FAM78B: variants seen among roughly 807,000 people sequenced by gnomAD.
FAM78B encodes the protein protein FAM78B.
A neutral mutation model predicts 20.0 loss-of-function variants in FAM78B; 10 were observed. The ratio of observed to expected loss-of-function variants is 0.50; its 90% CI spans 0.31 to 0.85. FAM78B has a LOEUF of 0.85. Among genes scored for constraint, FAM78B ranks in the 40% least tolerant of loss-of-function variants. FAM78B has a pLI of 0.05. For synonymous variants in FAM78B, 135 were observed against 132.8 expected (o/e 1.02, Z -0.12); for missense variants, 283 against 345.0 (o/e 0.82, Z 1.42).
At chr1:166,164,550 T>G (rs1386255820) in intron 1 of FAM78B, among the ~76,000 whole-genome samples, 1 of 152,226 alleles carries the variant, frequency 6.6e-6, no homozygotes, top group Non-Finnish European at 1.5e-5. Context: ...CTCACATTTC[T>G]TCACTAGGAA....
At chr1:166,080,402 T>A (rs1050303359) in intron 1 of FAM78B, among the ~76,000 whole-genome samples, 1 of 152,184 alleles carries the variant, frequency 6.6e-6, no homozygotes, top group Admixed American at 6.5e-5. Flanking sequence ...GCAGGGGATC[T>A]CCAAGACAGG....
chr1:166,135,181 C>G (rs1285362340), intron 1 of FAM78B, among the ~76,000 whole-genome samples: 1 of 152,136 alleles, frequency 6.6e-6, no homozygotes, highest in South Asian at 2.1e-4. Context: ...GGAATTTTCT[C>G]TAAACAGCTG....
chr1:166,120,099 G>C (rs1009754849), intron 1 of FAM78B, among the ~76,000 whole-genome samples: 8 of 152,310 alleles, frequency 5.3e-5, no homozygotes, highest in Non-Finnish European at 8.8e-5. Flanking sequence ...GGGCTGCCGA[G>C]AATCAAAGAT....
intron 1 of FAM78B, among the ~76,000 whole-genome samples, chr1:166,148,366 T>C (rs1655543787): frequency 6.6e-6 from 1 of 152,220 alleles, no homozygotes; most frequent in Non-Finnish European, 1.5e-5. Flanking sequence ...GAAGCATCTA[T>C]ATAAGCATGA....
In FAM78B at chr1:166,084,235, ACACTCTCTCT is replaced by A. The variant is rs1230243103; in HGVS notation, c.264-13482_264-13473del. 5.5e-3 allele frequency among the ~76,000 whole-genome samples: 663 copies of A among 120,030 alleles called. 8 individuals are homozygous for A. The highest frequency in any genetic ancestry group is 0.018 in the African/African-American group (644 of 35,014). The allele number at this position is 120,030 out of a possible 152,430, so 78.7% of individuals were successfully genotyped here. On this transcript the variant is annotated intron_variant, in intron 1 of 1. Coordinates refer to ENST00000354422, the MANE Select transcript of FAM78B (RefSeq NM_001017961.5). Reference sequence around the variant, plus strand: ...CACACACACACACACACACACACACACACTCTCTCTCTCTCTCTCTCTCTCTCTCTTTCTC... The same window carrying A: ...CACACACACACACACACACACACACACTCTCTCTCTCTCTCTCTCTTTCTC...
At chr1:166,100,592 T>C (rs1234110543) in intron 1 of FAM78B, among the ~76,000 whole-genome samples, 3 of 152,216 alleles carry the variant, frequency 2.0e-5, no homozygotes, top group East Asian at 1.9e-4. Context: ...GCCTTGCTGA[T>C]TGCTAGCACA....
chr1:166,115,580 T>A (rs73041244), intron 1 of FAM78B, among the ~76,000 whole-genome samples: 1 of 152,202 alleles, frequency 6.6e-6, no homozygotes, highest in Non-Finnish European at 1.5e-5. Flanking sequence ...GGGGATGTCC[T>A]AGGGCCTGAG....
At chr1:166,074,217 A>G (rs1208978824) in intron 1 of FAM78B, among the ~76,000 whole-genome samples, 1 of 152,164 alleles carries the variant, frequency 6.6e-6, no homozygotes. Flanking sequence ...GCTCTCCATC[A>G]TCTGGCCTCC....
chr1:166,152,571 C>A (rs1315660346), intron 1 of FAM78B, among the ~76,000 whole-genome samples: 4 of 152,272 alleles, frequency 2.6e-5, no homozygotes, highest in South Asian at 2.1e-4. Context: ...GCCCCGGACA[C>A]TTGTTGAATC....
intron 2 of FAM78B, among the ~76,000 whole-genome samples, chr1:166,064,144 G>T (rs1296997641): frequency 6.6e-6 from 1 of 152,166 alleles, no homozygotes; most frequent in Non-Finnish European, 1.5e-5. Context: ...CCTCGGGCAG[G>T]TGCAGAGAGA....
intron 1 of FAM78B, among the ~76,000 whole-genome samples, chr1:166,100,183 G>A (rs778350431): frequency 6.6e-6 from 1 of 152,148 alleles, no homozygotes; most frequent in Non-Finnish European, 1.5e-5. Flanking sequence ...ACAAAATCAA[G>A]ATGGAAATCT....
At chr1:166,153,461 AATCAGGCAGCAGGGCCAATCG>A (rs1655766783) in intron 1 of FAM78B, among the ~76,000 whole-genome samples, 1 of 152,252 alleles carries the variant, frequency 6.6e-6, no homozygotes, top group Non-Finnish European at 1.5e-5. Context: ...AAATACTGAG[AATCAGGCAGCAGGGCCAATCG>A]ATCAGACAGG....
intron 1 of FAM78B, chr1:166,165,138 G>A (rs1244338426): frequency 6.6e-6 from 1 of 152,250 alleles, no homozygotes; most frequent in African/African-American, 2.4e-5. Context: ...GAAAGTTGGA[G>A]AGCTCCCAGC....
chr1:166,067,251 T>C (rs1651830228), downstream of FAM78B, among the ~76,000 whole-genome samples: 1 of 152,156 alleles, frequency 6.6e-6, no homozygotes, highest in Admixed American at 6.5e-5. Flanking sequence ...AGGTATACCA[T>C]TCTGAATAGA....
chr1:166,107,586 A>C (rs1031583651), intron 1 of FAM78B, among the ~76,000 whole-genome samples: 9 of 152,170 alleles, frequency 5.9e-5, no homozygotes, highest in African/African-American at 2.2e-4. Context: ...CATTGGTACC[A>C]GTCCTTTTGA....
chr1:166,111,589 C>T (rs1654059819), intron 1 of FAM78B, among the ~76,000 whole-genome samples: 1 of 152,226 alleles, frequency 6.6e-6, no homozygotes, highest in Non-Finnish European at 1.5e-5. Context: ...GGGAATATCA[C>T]TTCCTTTTGG....
chr1:166,157,642 C>G (rs1241574788), intron 1 of FAM78B, among the ~76,000 whole-genome samples: 1 of 152,176 alleles, frequency 6.6e-6, no homozygotes, highest in Non-Finnish European at 1.5e-5. Context: ...CCAGGGGTCC[C>G]TTCCACCACC....
At chr1:166,136,464 G>A (rs911090320) in intron 1 of FAM78B, among the ~76,000 whole-genome samples, 2 of 152,108 alleles carry the variant, frequency 1.3e-5, no homozygotes, top group African/African-American at 4.8e-5. Context: ...ATCTCCAGAT[G>A]CCTTATCTCT....
At chr1:166,107,886 C>T (rs373242016) in intron 1 of FAM78B, among the ~76,000 whole-genome samples, 1 of 152,034 alleles carries the variant, frequency 6.6e-6, no homozygotes, top group Non-Finnish European at 1.5e-5. Flanking sequence ...GAATTAAAAA[C>T]GAAAATCACA....
Sources: allele counts gnomAD v4.1 joint callset (sites outside exome capture counted in the v4.1 genomes callset), GRCh38; gene constraint gnomAD v4.1.1; transcripts MANE v1.5; gene names NCBI Gene and HGNC (gene_info 2026-07-23, HGNC 2026-07-21).